DCC: variants seen among roughly 807,000 people sequenced by gnomAD.
DCC encodes netrin receptor DCC.
A neutral mutation model predicts 172.5 loss-of-function variants in DCC; 58 were observed. That is an observed-to-expected ratio of 0.34 (90% confidence interval 0.27 to 0.42). The LOEUF (loss-of-function observed/expected upper bound fraction) is 0.42, where lower values mean the gene tolerates loss of function less well. Ranked by LOEUF, DCC falls within the 10% of genes least tolerant of loss-of-function variation. DCC has a pLI of 1.00. For synonymous variants in DCC, 709 were observed against 644.5 expected (o/e 1.10, Z -1.52); for missense variants, 1,740 against 1,791.0 (o/e 0.97, Z 0.51).
chr18:53,253,882 A>G (rs1400226995), intron 12 of DCC, among the ~76,000 whole-genome samples: 1 of 152,070 alleles, frequency 6.6e-6, no homozygotes, highest in African/African-American at 2.4e-5. Context: ...CTACATGACT[A>G]ATGAGTTAAT....
At chr18:53,101,671 C>T (rs1214308726) in intron 7 of DCC, among the ~76,000 whole-genome samples, 4 of 152,082 alleles carry the variant, frequency 2.6e-5, no homozygotes, top group Non-Finnish European at 4.4e-5. Context: ...CTTTCTTCTA[C>T]AGCCATTCTC....
chr18:52,430,013 C>T (rs977603673), intron 1 of DCC, among the ~76,000 whole-genome samples: 4 of 151,994 alleles, frequency 2.6e-5, no homozygotes, highest in Non-Finnish European at 5.9e-5. Context: ...ACAAGCTGTA[C>T]AGAGCATAAA....
chr18:53,161,987 A>G (rs2054846922), intron 8 of DCC, among the ~76,000 whole-genome samples: 1 of 152,162 alleles, frequency 6.6e-6, no homozygotes, highest in Non-Finnish European at 1.5e-5. Flanking sequence ...ATAATAAACA[A>G]TTAAAATCAA....
At chr18:53,385,550 G>A (rs1180899668) in intron 15 of DCC, among the ~76,000 whole-genome samples, 1 of 152,158 alleles carries the variant, frequency 6.6e-6, no homozygotes, top group Non-Finnish European at 1.5e-5. Flanking sequence ...TGGGCCCAGT[G>A]CTAGAGAGGA....
chr18:53,128,198 G>A (rs571110397), intron 7 of DCC, among the ~76,000 whole-genome samples: 1 of 152,192 alleles, frequency 6.6e-6, no homozygotes, highest in African/African-American at 2.4e-5. Flanking sequence ...ACCTTAGTAC[G>A]AAAATAGCAT....
chr18:52,830,954 A>T (rs1314263050), intron 2 of DCC, among the ~76,000 whole-genome samples: 1 of 152,162 alleles, frequency 6.6e-6, no homozygotes, highest in African/African-American at 2.4e-5. Flanking sequence ...AGTTTATTAG[A>T]TGGTTATGAG....
intron 12 of DCC, among the ~76,000 whole-genome samples, chr18:53,275,482 T>C (rs2056794583): frequency 6.6e-6 from 1 of 152,130 alleles, no homozygotes; most frequent in Admixed American, 6.6e-5. Flanking sequence ...CTTTAATTGG[T>C]TTTAAATTGG....
intron 2 of DCC, among the ~76,000 whole-genome samples, chr18:52,848,506 CAT>C (rs779734420): frequency 6.6e-6 from 1 of 152,162 alleles, no homozygotes; most frequent in Admixed American, 6.5e-5. Flanking sequence ...ATTTTGGAAT[CAT>C]ATCAAACTTT....
At chr18:52,377,482 C>G (rs1985397600) in intron 1 of DCC, among the ~76,000 whole-genome samples, 1 of 152,066 alleles carries the variant, frequency 6.6e-6, no homozygotes, top group Non-Finnish European at 1.5e-5. Context: ...TTAGTAAGCC[C>G]CTGAAAAAGC....
At chr18:52,631,476 C>T (rs549828299) in intron 1 of DCC, among the ~76,000 whole-genome samples, 8 of 152,316 alleles carry the variant, frequency 5.3e-5, no homozygotes, top group African/African-American at 1.9e-4. Context: ...TAGTAAGGTA[C>T]TGTCCTTTTC....
At chr18:53,489,304 A>T (rs1312347359) in intron 26 of DCC, among the ~76,000 whole-genome samples, 1 of 152,208 alleles carries the variant, frequency 6.6e-6, no homozygotes, top group African/African-American at 2.4e-5. Flanking sequence ...GCTATGCACA[A>T]TGCAAAGCAA....
chr18:53,293,624 A>C (rs952750661), intron 12 of DCC, among the ~76,000 whole-genome samples: 1 of 151,946 alleles, frequency 6.6e-6, no homozygotes, highest in Non-Finnish European at 1.5e-5. Flanking sequence ...CCCTCCTCGC[A>C]CCCTATACCT....
intron 5 of DCC, among the ~76,000 whole-genome samples, chr18:53,030,693 C>G (rs1410316543): frequency 1.3e-5 from 2 of 152,206 alleles, no homozygotes; most frequent in East Asian, 3.9e-4. Flanking sequence ...AAAGAGGTTT[C>G]TGATTGAAAT....
intron 24 of DCC, among the ~76,000 whole-genome samples, chr18:53,459,904 G>A (rs1441578117): frequency 1.3e-5 from 2 of 151,666 alleles, no homozygotes; most frequent in Non-Finnish European, 2.9e-5. Context: ...TCACATCAGG[G>A]CACTTGAAGT....
intron 15 of DCC, among the ~76,000 whole-genome samples, chr18:53,382,586 T>C (rs1244419146): frequency 6.6e-6 from 1 of 152,136 alleles, no homozygotes. Context: ...TTTTACATAG[T>C]CTTTCATTGT....
intron 15 of DCC, among the ~76,000 whole-genome samples, chr18:53,359,805 C>A (rs1342060310): frequency 6.6e-6 from 1 of 152,102 alleles, no homozygotes; most frequent in Non-Finnish European, 1.5e-5. Context: ...ATAATGACAT[C>A]CAGAGCCTAA....
At chr18:53,099,258 A>C (rs1568304051) in intron 7 of DCC, among the ~76,000 whole-genome samples, 1 of 152,074 alleles carries the variant, frequency 6.6e-6, no homozygotes, top group Non-Finnish European at 1.5e-5. Context: ...TTATTCATTT[A>C]TATTCATGTG....
chr18:52,614,310 G>C (rs1001931318), intron 1 of DCC, among the ~76,000 whole-genome samples: 4 of 152,178 alleles, frequency 2.6e-5, no homozygotes, highest in Non-Finnish European at 5.9e-5. Flanking sequence ...GCCTTCAGTA[G>C]GAACTCTGGC....
chr18:53,376,680 C>T (rs17504372), intron 15 of DCC, among the ~76,000 whole-genome samples: 45,183 of 152,052 alleles, frequency 0.3, 8,621 homozygotes, highest in Non-Finnish European at 0.44. Context: ...GGTTTTTTTA[C>T]ACAATTCTTA....
Sources: gnomAD v4.1 joint callset for allele counts (sites outside exome capture counted in the v4.1 genomes callset) on GRCh38, gnomAD v4.1.1 for gene constraint, MANE v1.5 for transcripts, NCBI Gene and HGNC (gene_info 2026-07-23, HGNC 2026-07-21) for gene names.